VN1R1: variants seen among roughly 807,000 people sequenced by gnomAD.
VN1R1 encodes vomeronasal 1 receptor 1.
For synonymous variants in VN1R1, 168 were observed against 149.8 expected, an observed-to-expected ratio of 1.12 and a Z score of -0.89; for missense variants, 391 against 410.3, an observed-to-expected ratio of 0.95 and a Z score of 0.41.
chr19:57,455,823 C>T lies in VN1R1; in HGVS notation c.664G>A (p.Val222Ile), dbSNP rs1568551991. 7.4e-6 allele frequency: 12 copies of T among 1,614,098 alleles called. No individual in the cohort carries two copies. In the East Asian group the frequency reaches 2.4e-4, roughly 33 times the overall value. The change falls in exon 1 of 1, where the codon GTC (valine) becomes ATC (isoleucine). Residue 222 changes from valine (V) to isoleucine (I), a missense_variant. Val to Ile is a conservative substitution (Grantham distance 29). Coordinates refer to ENST00000321039, the MANE Select transcript of VN1R1 (RefSeq NM_020633.4). ...ATAAAATCAGGGGAAAAATATAAGA[C>T]TGCATGTAATGAGCTAAATCTCTTT... ...ASKRFSSLHA[V>I]LYFSPDFMSL...
At position 57,455,814 on chromosome 19, in the gene VN1R1, A is replaced by G. The variant is rs2089128305; in HGVS notation, c.673T>C (p.Phe225Leu). The change falls in exon 1 of 1, where the codon TTT (phenylalanine) becomes CTT (leucine). Residue 225 changes from phenylalanine to leucine, a missense_variant. Coordinates refer to ENST00000321039, the MANE Select transcript of VN1R1 (RefSeq NM_020633.4). The part of the protein sequence containing the change: ...RFSSLHAVLY[F>L]SPDFMSLGFM... ...CCCAAACTCATAAAATCAGGGGAAAAATATAAGACTGCATGTAATGAGCTA... is the reference window on the plus strand; with the variant it reads ...CCCAAACTCATAAAATCAGGGGAAAGATATAAGACTGCATGTAATGAGCTA... The G allele has an allele frequency of 6.2e-7, 1 of 1,614,104 alleles. No homozygotes were observed. Among genetic ancestry groups the G allele is most frequent in the Non-Finnish European group, 8.5e-7 (1 of 1,180,060 alleles).
At position 57,456,263 on chromosome 19, in the gene VN1R1, A is replaced by T; in HGVS notation, c.224T>A (p.Phe75Tyr). ...CGTGGGTCTCAGCTTGTGTCCAGTG[A>T]ACAAAATTAAGTTATAAAAACAAAG... ...FLLCFYNLILFTGHKLRPTDL... is the reference protein window; with the variant it reads ...FLLCFYNLILYTGHKLRPTDL... The change falls in exon 1 of 1, where the codon TTC becomes TAC. Residue 75 changes from phenylalanine (F) to tyrosine (Y), a missense_variant. Coordinates refer to ENST00000321039, the MANE Select transcript of VN1R1 (RefSeq NM_020633.4). 6.2e-7 allele frequency: 1 copy of T among 1,613,756 alleles called. No homozygotes were observed. The highest frequency in any genetic ancestry group is 8.5e-7 in the Non-Finnish European group (1 of 1,179,952).
Position 57,455,289 on chromosome 19 carries a change from C to A in VN1R1, c.*136G>T. 2 of 783,002 alleles carry A rather than the reference C, an allele frequency of 2.6e-6. No homozygotes were observed. Among genetic ancestry groups the A allele is most frequent in the Non-Finnish European group, 4.0e-6 (2 of 499,908 alleles). The allele number at this position is 783,002 out of a possible 1,614,324, so 48.5% of individuals were successfully genotyped here. The stretch of plus-strand genomic sequence containing the variant: ...CAGTATCCATGACTTTCATTTTTAG[C>A]TCTGGTATTAGATCTTCCTGGACAA... On this transcript the variant is annotated 3_prime_UTR_variant, in exon 1 of 1. Transcript: ENST00000321039.
chr19:57,455,819 A>AAGAC, the VN1R1 span: 6 of 1,614,200 alleles, frequency 3.7e-6, no homozygotes, highest in Non-Finnish European at 5.1e-6. Flanking sequence ...GGAAAAATAT[A>AAGAC]AGACTGCATG....
chr19:57,455,209 T>C lies in VN1R1; in HGVS notation c.*216A>G. The C allele has an allele frequency of 2.1e-6, 1 of 475,638 alleles. No individual in the cohort carries two copies. The highest frequency in any genetic ancestry group is 3.7e-6 in the Non-Finnish European group (1 of 272,304). The allele number at this position is 475,638 out of a possible 1,614,324, so 29.5% of individuals were successfully genotyped here. ...GAATTCCCTTTTTAAACTTTTTGAT[T>C]TCCTGAACTTGTCTGAAGGACTTAA... On this transcript the variant is annotated 3_prime_UTR_variant, in exon 1 of 1. Coordinates refer to ENST00000321039, the MANE Select transcript of VN1R1 (RefSeq NM_020633.4).
Position 57,455,311 on chromosome 19 carries a change from A to G in VN1R1, c.*114T>C. ...TAGCTCTGGTATTAGATCTTCCTGG[A>G]CAAGAGCATTACTGGCCATGTGTAT... On this transcript the variant is annotated 3_prime_UTR_variant, in exon 1 of 1. Transcript: ENST00000321039. The G allele has an allele frequency of 1.0e-6, 1 of 971,006 alleles. No homozygotes were observed. Among genetic ancestry groups the G allele is most frequent in the Admixed American group, 2.7e-5 (1 of 36,560 alleles). 60.1% of individuals were successfully genotyped at this position (971,006 alleles called of 1,614,324 possible).
chr19:57,455,810 GA>G, the VN1R1 span: 1 of 1,614,168 alleles, frequency 6.2e-7, no homozygotes. Context: ...AAAATCAGGG[GA>G]AAAATATAAG....
In VN1R1 at chr19:57,456,602, C is replaced by A; in HGVS notation, c.-116G>T. On this transcript the variant is annotated 5_prime_UTR_variant, in exon 1 of 1. Coordinates refer to ENST00000321039, the MANE Select transcript of VN1R1 (RefSeq NM_020633.4). Reference sequence around the variant, plus strand: ...ATGAGGGCTCAACCGCACAACAGATCCACAAATCAAACCTATAAAACTCAG... The same window carrying A: ...ATGAGGGCTCAACCGCACAACAGATACACAAATCAAACCTATAAAACTCAG... 1.2e-6 allele frequency: 1 copy of A among 811,128 alleles called. No homozygotes were observed. The highest frequency in any genetic ancestry group is 1.8e-6 in the Non-Finnish European group (1 of 541,592). 50.2% of individuals were successfully genotyped at this position (811,128 alleles called of 1,614,324 possible).
At position 57,455,522 on chromosome 19, in the gene VN1R1, G is replaced by A. The variant is rs1466398245; in HGVS notation, c.965C>T (p.Pro322Leu). ...AGTATCACTCATGATGAGGACAAAAGGGCTGCGTGCTGGGAAACATGAGGC... is the reference window on the plus strand; with the variant it reads ...AGTATCACTCATGATGAGGACAAAAAGGCTGCGTGCTGGGAAACATGAGGC... ...LVASCFPARS[P>L]FVLIMSDTHI... Residue 322 changes from proline (P) to leucine (L), a missense_variant, in exon 1 of 1, where the codon CCT becomes CTT. By Grantham distance (98) the Pro-to-Leu change is moderately conservative. Transcript: ENST00000321039. The A allele has an allele frequency of 1.9e-6, 3 of 1,614,046 alleles. No individual in the cohort carries two copies. Among genetic ancestry groups the A allele is most frequent in the Non-Finnish European group, 2.5e-6 (3 of 1,179,964 alleles).
rs1162643270 is a variant in VN1R1 at position 57,456,930 on chromosome 19, T to C, written c.-444A>G. The C allele has an allele frequency of 6.5e-6, 1 of 152,678 alleles. No homozygotes were observed. Among genetic ancestry groups the C allele is most frequent in the East Asian group, 1.9e-4 (1 of 5,198 alleles). 9.5% of individuals were successfully genotyped at this position (152,678 alleles called of 1,614,324 possible). ...AGTAAACACCATTGTTATTGATGCA[T>C]TGAAACAAATTTTAGGCCGGGTGCA... On this transcript the variant is annotated 5_prime_UTR_variant, in exon 1 of 1. An upstream start codon of the reference 5' UTR is lost. Coordinates refer to ENST00000321039, the MANE Select transcript of VN1R1 (RefSeq NM_020633.4).
rs1369533294 is a variant in VN1R1 at position 57,455,990 on chromosome 19, C to G, written c.497G>C (p.Arg166Thr). 1.3e-5 allele frequency: 21 copies of G among 1,613,998 alleles called. No individual in the cohort carries two copies. The highest frequency in any genetic ancestry group is 3.3e-5 in the Admixed American group (2 of 59,980). The part of the protein sequence containing the change: ...RWMEIKIRSP[R>T]FIDFCCLLCW... ...GAGGAGACAACAGAAGTCAATAAAC[C>G]TTGGGGATCTAATCTTGATCTCCAT... The change falls in exon 1 of 1, where the codon AGG (arginine) becomes ACG (threonine). Residue 166 changes from arginine to threonine, a missense_variant. Transcript: ENST00000321039.
Position 57,455,377 on chromosome 19 carries a change from C to A in VN1R1, c.*48G>T. 1 of 1,522,500 alleles carries A rather than the reference C, an allele frequency of 6.6e-7. No homozygotes were observed. The highest frequency in any genetic ancestry group is 8.9e-7 in the Non-Finnish European group (1 of 1,124,812). 94.3% of individuals were successfully genotyped at this position (1,522,500 alleles called of 1,614,324 possible). A position where few individuals can be genotyped will look rare whatever the true frequency, so the allele number is the denominator to read the frequency against. On this transcript the variant is annotated 3_prime_UTR_variant, in exon 1 of 1. Transcript: ENST00000321039. ...AACTAGTAGTTAATATTTCCTAAAT[C>A]TTAGCAAGAGTTATGATAAATAGCT...
Position 57,455,046 on chromosome 19 carries a change from C to G in VN1R1, c.*379G>C, listed in dbSNP as rs200719749. ...GCCACTGTGCCCGGCCTGCACATGT[C>G]TTTCTTACATGTGGACTCTCCAGGG... On this transcript the variant is annotated 3_prime_UTR_variant, in exon 1 of 1. Transcript: ENST00000321039. 1.3e-4 allele frequency: 24 copies of G among 178,382 alleles called. 1 individual carries two copies. In the East Asian group the frequency reaches 3.5e-3, roughly 26 times the overall value. 11.0% of individuals were successfully genotyped at this position (178,382 alleles called of 1,614,324 possible).
rs764904002 is a variant in VN1R1 at position 57,456,116 on chromosome 19, A to G, written c.371T>C (p.Val124Ala). ...YLLNDTGCKFVFYYHRVGTRV... is the reference protein window; with the variant it reads ...YLLNDTGCKFAFYYHRVGTRV... ...TGTGCCCACCCTGTGATAATAAAAG[A>G]CAAACTTACATCCAGTGTCATTCAG... Residue 124 changes from valine (V) to alanine (A), a missense_variant, in exon 1 of 1, where the codon GTC becomes GCC. By Grantham distance (64) the Val-to-Ala change is moderately conservative. Coordinates refer to ENST00000321039, the MANE Select transcript of VN1R1 (RefSeq NM_020633.4). The G allele has an allele frequency of 6.2e-7, 1 of 1,614,184 alleles. No individual in the cohort carries two copies. The highest frequency in any genetic ancestry group is 1.7e-5 in the Admixed American group (1 of 60,018).
chr19:57,455,570 A>G lies in VN1R1; in HGVS notation c.917T>C (p.Ile306Thr). The change falls in exon 1 of 1, where the codon ATA (isoleucine) becomes ACA (threonine). Residue 306 changes from isoleucine to threonine, a missense_variant. Ile to Thr is a moderately conservative substitution (Grantham distance 89, BLOSUM62 -1). Coordinates refer to ENST00000321039, the MANE Select transcript of VN1R1 (RefSeq NM_020633.4). ...GGCGACCAACACAGAGTTGGTCACTATCCACTGGCCTGGGTTTGCAACTAC... is the reference window on the plus strand; with the variant it reads ...GGCGACCAACACAGAGTTGGTCACTGTCCACTGGCCTGGGTTTGCAACTAC... The part of the protein sequence containing the change: ...TTVVANPGQW[I>T]VTNSVLVASC... 6.2e-7 allele frequency: 1 copy of G among 1,614,236 alleles called. No individual in the cohort carries two copies. Among genetic ancestry groups the G allele is most frequent in the Non-Finnish European group, 8.5e-7 (1 of 1,180,046 alleles).
In VN1R1 at chr19:57,456,004, C is replaced by G. The variant is rs2089129632; in HGVS notation, c.483G>C (p.Lys161Asn). 1 of 1,614,082 alleles carries G rather than the reference C, an allele frequency of 6.2e-7. No homozygotes were observed. Among genetic ancestry groups the G allele is most frequent in the Admixed American group, 1.7e-5 (1 of 60,006 alleles). ...AGTCAATAAACCTTGGGGATCTAAT[C>G]TTGATCTCCATCCACCTGCATATAC... ...NPSICRWMEI[K>N]IRSPRFIDFC... Residue 161 changes from lysine (K) to asparagine (N), a missense_variant, in exon 1 of 1, where the codon AAG becomes AAC. By Grantham distance (94) the Lys-to-Asn change is moderately conservative. Transcript: ENST00000321039.
At position 57,455,803 on chromosome 19, in the gene VN1R1, A is replaced by C. The variant is rs757154417; in HGVS notation, c.684T>G (p.Asp228Glu). The C allele has an allele frequency of 3.7e-6, 6 of 1,614,084 alleles. No homozygotes were observed. The African/African-American group carries it at 8.0e-5, about 22-fold the overall frequency. ...AGACCATGAAGCCCAAACTCATAAA[A>C]TCAGGGGAAAAATATAAGACTGCAT... ...SLHAVLYFSP[D>E]FMSLGFMVWA... The change falls in exon 1 of 1, where the codon GAT becomes GAG. Residue 228 changes from aspartate to glutamate, a missense_variant. Transcript: ENST00000321039.
At position 57,455,873 on chromosome 19, in the gene VN1R1, T is replaced by C. The variant is rs1257345516; in HGVS notation, c.614A>G (p.Tyr205Cys). ...TGATGCTTTGTAAGAACAGTATCCA[T>C]AATTGTTTTTTGCACTACTGTTTTT... Reference protein sequence around the residue: ...NSKNSSAKNNYGYCSYKASKR... With the variant: ...NSKNSSAKNNCGYCSYKASKR... The change falls in exon 1 of 1, where the codon TAT becomes TGT. Residue 205 changes from tyrosine to cysteine, a missense_variant. Physicochemically the swap from Tyr to Cys is radical, Grantham distance 194. Coordinates refer to ENST00000321039, the MANE Select transcript of VN1R1 (RefSeq NM_020633.4). The C allele has an allele frequency of 1.2e-6, 2 of 1,614,128 alleles. No homozygotes were observed. The highest frequency in any genetic ancestry group is 1.7e-5 in the Admixed American group (1 of 60,012).
Position 57,455,977 on chromosome 19 carries a change from G to T in VN1R1, c.510C>A (p.Phe170Leu). Residue 170 changes from phenylalanine to leucine, a missense_variant, in exon 1 of 1, where the codon TTC (phenylalanine) becomes TTA (leucine). By Grantham distance (22) the Phe-to-Leu change is conservative. Transcript: ENST00000321039. ...IKIRSPRFID[F>L]CCLLCWAPHV... ...GGGGGGCCCAGCAGAGGAGACAACA[G>T]AAGTCAATAAACCTTGGGGATCTAA... 6.2e-7 allele frequency: 1 copy of T among 1,614,206 alleles called. No homozygotes were observed.
Sources: gnomAD v4.1 joint callset for allele counts on GRCh38, gnomAD v4.1.1 for gene constraint, MANE v1.5 for transcripts, NCBI Gene and HGNC (gene_info 2026-07-23, HGNC 2026-07-21) for gene names.